Variants in IQCM observed in about 807,000 individuals in gnomAD.
IQCM encodes IQ motif containing M.
A neutral mutation model predicts 57.6 loss-of-function variants in IQCM; 45 were observed. That is an observed-to-expected ratio of 0.78 (90% CI 0.62 to 1.00). The LOEUF (loss-of-function observed/expected upper bound fraction) is 1.00, where lower values mean the gene tolerates loss of function less well. Ranked by LOEUF, IQCM falls within the 50% of genes least tolerant of loss-of-function variation. The pLI, the probability that IQCM is intolerant of heterozygous loss-of-function variation, is 0.00. For missense variants in IQCM, 468 were observed against 511.6 expected, an observed-to-expected ratio of 0.91 and a Z score of 0.82; for synonymous variants, 148 against 158.9, an observed-to-expected ratio of 0.93 and a Z score of 0.51.
In IQCM at chr4:149,597,221, A is replaced by C. The variant is rs545908340; in HGVS notation, c.682-9224T>G. Among the ~76,000 whole-genome samples the C allele has an allele frequency of 2.5e-4, 38 of 152,280 alleles. No individual in the cohort carries two copies. In the Middle Eastern group the frequency reaches 0.01, roughly 41 times the overall value. On this transcript the variant is annotated intron_variant, in intron 8 of 13. Transcript: ENST00000636793. ...AATAATAGACACAGATAAAAAGAGA[A>C]CTGATAATATAAACTATGAGGGATA...
chr4:149,785,837 T>G (rs930299328), intron 2 of IQCM, among the ~76,000 whole-genome samples: 17 of 151,514 alleles, frequency 1.1e-4, no homozygotes, highest in Admixed American at 7.3e-4. Context: ...AAAAAAAATC[T>G]TAGCCCTCAA....
At chr4:149,743,715 T>C (rs1388396937) in intron 2 of IQCM, among the ~76,000 whole-genome samples, 1 of 152,186 alleles carries the variant, frequency 6.6e-6, no homozygotes, top group Non-Finnish European at 1.5e-5. Context: ...CTCAGTGCAT[T>C]GCATTCTAGA....
rs530000067 is a variant in IQCM, at chr4:149,735,432, C to A, written c.64G>T (p.Asp22Tyr). The change falls in exon 4 of 14, where the codon GAC (aspartate) becomes TAC (tyrosine). Residue 22 changes from aspartate (D) to tyrosine (Y), a missense_variant. Coordinates refer to ENST00000636793, the MANE Select transcript of IQCM (RefSeq NM_001363507.2). ...KCPTLEITKQ[D>Y]FFQEAKTLIA... ...AGAGTTTTTGCTTCTTGAAAAAAGT[C>A]TTGCTTGGTGATCTCTAATGTAGGA... 49 of 1,226,344 alleles carry A rather than the reference C, an allele frequency of 4.0e-5. No homozygotes were observed. The African/African-American group carries it at 7.3e-4, about 18-fold the overall frequency. 76.0% of individuals were successfully genotyped at this position (1,226,344 alleles called of 1,614,324 possible).
chr4:149,686,516 G>T, intron 5 of IQCM, 48 bp from the exon 6 acceptor site: 4 of 776,464 alleles, frequency 5.2e-6, no homozygotes, highest in Non-Finnish European at 5.2e-6. Flanking sequence ...TTTTCAAGTT[G>T]TAAGTGCATT....
chr4:149,366,236 G>A (rs1222814768), intron 13 of IQCM, among the ~76,000 whole-genome samples: 1 of 152,012 alleles, frequency 6.6e-6, no homozygotes, highest in Non-Finnish European at 1.5e-5. Context: ...AGTACCAACA[G>A]TATAGTGGGT....
chr4:149,521,006 C>T (rs1745584044), intron 12 of IQCM, among the ~76,000 whole-genome samples: 2 of 152,150 alleles, frequency 1.3e-5, no homozygotes, highest in Admixed American at 1.3e-4. Context: ...TGTGATGATG[C>T]AGAGCTAAAA....
At chr4:149,496,420 T>C (rs1001823190) in intron 12 of IQCM, among the ~76,000 whole-genome samples, 1 of 152,156 alleles carries the variant, frequency 6.6e-6, no homozygotes, top group Non-Finnish European at 1.5e-5. Context: ...GGAAGATTAT[T>C]CAGGATTATG....
chr4:149,557,515 G>A (rs1749704662), intron 10 of IQCM, among the ~76,000 whole-genome samples: 2 of 152,028 alleles, frequency 1.3e-5, no homozygotes, highest in African/African-American at 2.4e-5. Flanking sequence ...TTTCATGCAC[G>A]CTTTTTAAGG....
intron 8 of IQCM, among the ~76,000 whole-genome samples, chr4:149,614,167 T>C (rs1316769097): frequency 6.6e-6 from 1 of 152,280 alleles, no homozygotes; most frequent in Non-Finnish European, 1.5e-5. Flanking sequence ...AAGTCTAATG[T>C]CCAGAAGTCC....
At chr4:149,531,741 C>T (rs971851774) in intron 12 of IQCM, among the ~76,000 whole-genome samples, 1 of 152,024 alleles carries the variant, frequency 6.6e-6, no homozygotes, top group Non-Finnish European at 1.5e-5. Context: ...AGCACTAGCA[C>T]AACTGAGCCC....
intron 12 of IQCM, among the ~76,000 whole-genome samples, chr4:149,500,022 G>A (rs965614370): frequency 6.6e-6 from 1 of 152,188 alleles, no homozygotes; most frequent in Non-Finnish European, 1.5e-5. Flanking sequence ...AACAGCCGAA[G>A]CTTAGCAGAC....
intron 5 of IQCM, among the ~76,000 whole-genome samples, chr4:149,698,602 A>G (rs1338663382): frequency 1.3e-5 from 2 of 152,166 alleles, no homozygotes; most frequent in Non-Finnish European, 2.9e-5. Flanking sequence ...AACTATTTTC[A>G]GAAATCTAAA....
At chr4:149,381,482 C>T (rs1339351340) in intron 13 of IQCM, among the ~76,000 whole-genome samples, 2 of 152,044 alleles carry the variant, frequency 1.3e-5, no homozygotes, top group Admixed American at 6.6e-5. Flanking sequence ...TTTCCAATTA[C>T]GTAGGCGTCT....
rs143629393 is a variant in IQCM at position 149,670,768 on chromosome 4, A to C, written c.565+11350T>G. 5.6e-3 allele frequency among the ~76,000 whole-genome samples: 852 copies of C among 152,096 alleles called. 7 individuals are homozygous for C. The highest frequency in any genetic ancestry group is 0.019 in the African/African-American group (789 of 41,510). ...TTTTGTCTTAGGTTCTGTTCATATG[A>C]TGGATTACATTTATTGATTTGCGTA... On this transcript the variant is annotated intron_variant, in intron 7 of 13. Coordinates refer to ENST00000636793, the MANE Select transcript of IQCM (RefSeq NM_001363507.2).
chr4:149,555,117 C>T (rs912617912), intron 10 of IQCM, among the ~76,000 whole-genome samples: 2 of 152,122 alleles, frequency 1.3e-5, no homozygotes, highest in Non-Finnish European at 2.9e-5. Flanking sequence ...TCCTCTTCTC[C>T]TTTCTCCTTC....
intron 8 of IQCM, among the ~76,000 whole-genome samples, chr4:149,599,688 C>T (rs1326931580): frequency 6.6e-6 from 1 of 152,156 alleles, no homozygotes. Context: ...AGATATATGA[C>T]AACTTCCTAT....
intron 7 of IQCM, among the ~76,000 whole-genome samples, chr4:149,660,489 C>A (rs947227173): frequency 4.6e-5 from 7 of 152,230 alleles, no homozygotes; most frequent in South Asian, 2.1e-4. Flanking sequence ...TGGGTATATA[C>A]CCAAAGGACT....
chr4:149,597,445 C>A (rs1753884943), intron 8 of IQCM, among the ~76,000 whole-genome samples: 2 of 152,120 alleles, frequency 1.3e-5, no homozygotes, highest in South Asian at 4.1e-4. Flanking sequence ...GGCTGGAGTG[C>A]ATTGGTATGA....
At chr4:149,454,301 G>C (rs895306663) in intron 12 of IQCM, among the ~76,000 whole-genome samples, 6 of 151,556 alleles carry the variant, frequency 4.0e-5, no homozygotes, top group African/African-American at 1.5e-4. Flanking sequence ...AATAGAGTGA[G>C]ATCATGTCCT....
Sources: gnomAD v4.1 joint callset for allele counts (sites outside exome capture counted in the v4.1 genomes callset) on GRCh38, gnomAD v4.1.1 for gene constraint, MANE v1.5 for transcripts, NCBI Gene and HGNC (gene_info 2026-07-23, HGNC 2026-07-21) for gene names.